The following C8orf34 variants were observed in gnomAD, a reference collection of about 807,000 sequenced individuals.
C8orf34 encodes uncharacterized protein C8orf34.
Under a neutral mutation model 68.3 loss-of-function variants are expected in C8orf34, and 65 were observed. The ratio of observed to expected loss-of-function variants is 0.95; its 90% CI spans 0.78 to 1.17. C8orf34 has a LOEUF of 1.17. Among genes scored for constraint, C8orf34 ranks in the 50% most tolerant of loss-of-function variants. The pLI is 0.00. For synonymous variants in C8orf34, 244 were observed against 241.2 expected, an observed-to-expected ratio of 1.01 and a Z score of -0.11; for missense variants, 664 against 655.4, an observed-to-expected ratio of 1.01 and a Z score of -0.14.
Position 68,721,075 on chromosome 8 carries a change from C to T in C8orf34, c.1328-286C>T, listed in dbSNP as rs191115979. 1.4e-4 allele frequency among the ~76,000 whole-genome samples: 22 copies of T among 152,028 alleles called. No homozygotes were observed. The East Asian group carries it at 3.3e-3, about 23-fold the overall frequency. On this transcript the variant is annotated intron_variant, in intron 9 of 13. Coordinates refer to ENST00000518698, the MANE Select transcript of C8orf34 (RefSeq NM_052958.4). ...AATATAATTATGTTCCAACAATTAG[C>T]TGGATAATATGCCAAAATATCTTGC...
intron 9 of C8orf34, among the ~76,000 whole-genome samples, chr8:68,720,596 AT>A (rs60251458): frequency 0.11 from 15,909 of 148,352 alleles, 1,465 homozygotes; most frequent in African/African-American, 0.26. Flanking sequence ...CTCTTAACTG[AT>A]TTTTTTTTTT....
At chr8:68,749,001 T>C (rs1419984956) in intron 10 of C8orf34, among the ~76,000 whole-genome samples, 2 of 151,990 alleles carry the variant, frequency 1.3e-5, no homozygotes, top group African/African-American at 2.4e-5. Flanking sequence ...TGTCCAACAA[T>C]GATAGACTGG....
intron 12 of C8orf34, among the ~76,000 whole-genome samples, chr8:68,803,086 A>T (rs1241791659): frequency 6.6e-6 from 1 of 152,118 alleles, no homozygotes; most frequent in Non-Finnish European, 1.5e-5. Context: ...TTAAGAAATA[A>T]TTCTAATATT....
intron 8 of C8orf34, among the ~76,000 whole-genome samples, chr8:68,642,567 A>C (rs750347919): frequency 2.2e-4 from 33 of 152,222 alleles, no homozygotes; most frequent in Non-Finnish European, 8.8e-5. Flanking sequence ...AATAACAATA[A>C]CCAGGGTATT....
intron 10 of C8orf34, among the ~76,000 whole-genome samples, chr8:68,744,805 ACT>A (rs1822429383): frequency 6.6e-6 from 1 of 152,136 alleles, no homozygotes; most frequent in Non-Finnish European, 1.5e-5. Flanking sequence ...GTTGGAAAAC[ACT>A]CTGCACGATA....
chr8:68,658,773 T>C (rs1819583933), intron 8 of C8orf34, among the ~76,000 whole-genome samples: 2 of 152,162 alleles, frequency 1.3e-5, no homozygotes, highest in Non-Finnish European at 2.9e-5. Context: ...TGTCCAATTT[T>C]GATTAAATAT....
At chr8:68,788,940 A>C (rs1227856886) in intron 12 of C8orf34, among the ~76,000 whole-genome samples, 1 of 152,322 alleles carries the variant, frequency 6.6e-6, no homozygotes, top group Non-Finnish European at 1.5e-5. Flanking sequence ...GTATTTTGGA[A>C]GTCCCTTAAT....
intron 1 of C8orf34, among the ~76,000 whole-genome samples, chr8:68,383,600 A>G (rs1344046922): frequency 6.6e-6 from 1 of 152,260 alleles, no homozygotes; most frequent in Non-Finnish European, 1.5e-5. Context: ...CAGTGTAAGA[A>G]TGATGAATAA....
At position 68,494,030 on chromosome 8, in the gene C8orf34, G is replaced by T. The variant is rs78485519; in HGVS notation, c.765+5979G>T. On this transcript the variant is annotated intron_variant, in intron 5 of 13. Transcript: ENST00000518698. Reference sequence around the variant, plus strand: ...CCCACTTCTAAGTATATATCCAAAAGAACTAAGAGCAAGATTTATAGGAAA... The same window carrying T: ...CCCACTTCTAAGTATATATCCAAAATAACTAAGAGCAAGATTTATAGGAAA... 2.1e-3 allele frequency among the ~76,000 whole-genome samples: 321 copies of T among 152,220 alleles called. 1 individual carries two copies. The highest frequency in any genetic ancestry group is 7.0e-3 in the African/African-American group (292 of 41,530).
intron 1 of C8orf34, among the ~76,000 whole-genome samples, chr8:68,391,895 C>T (rs1053594894): frequency 6.6e-6 from 1 of 152,092 alleles, no homozygotes; most frequent in African/African-American, 2.4e-5. Context: ...CATGGTCACT[C>T]AGACATTTAA....
chr8:68,518,819 A>T (rs1304171226), intron 5 of C8orf34, among the ~76,000 whole-genome samples: 2 of 146,812 alleles, frequency 1.4e-5, no homozygotes, highest in African/African-American at 5.1e-5. Context: ...GCTTGAACCC[A>T]GGAGGTGGAG....
At chr8:68,375,775 G>T (rs17466334) in intron 1 of C8orf34, among the ~76,000 whole-genome samples, 2,954 of 152,320 alleles carry the variant, frequency 0.019, 51 homozygotes, top group Non-Finnish European at 0.027. Context: ...TATTTAGGGA[G>T]TACTTATATG....
At chr8:68,707,949 T>C (rs1821218094) in intron 8 of C8orf34, among the ~76,000 whole-genome samples, 1 of 152,118 alleles carries the variant, frequency 6.6e-6, no homozygotes, top group Non-Finnish European at 1.5e-5. Flanking sequence ...CCAAAGTGAA[T>C]ACAATAAAAA....
intron 1 of C8orf34, among the ~76,000 whole-genome samples, chr8:68,397,883 C>G (rs1021245005): frequency 2.0e-5 from 3 of 152,130 alleles, no homozygotes; most frequent in Admixed American, 6.6e-5. Context: ...ATTCTCCTGC[C>G]TCAGCCTCCT....
intron 8 of C8orf34, among the ~76,000 whole-genome samples, chr8:68,699,774 T>C (rs1022439000): frequency 6.6e-6 from 1 of 152,080 alleles, no homozygotes; most frequent in African/African-American, 2.4e-5. Context: ...TAATTAGCAG[T>C]CCAGATAAGA....
chr8:68,786,971 T>A (rs1208982928), intron 11 of C8orf34, among the ~76,000 whole-genome samples: 5 of 152,130 alleles, frequency 3.3e-5, no homozygotes, highest in Admixed American at 3.3e-4. Context: ...ATGAGAAATA[T>A]GTTAACAAAC....
intron 13 of C8orf34, 78 bp downstream of exon 13, chr8:68,816,023 A>AAAAAGTACGT: frequency 6.2e-7 from 1 of 1,609,872 alleles, no homozygotes; most frequent in Non-Finnish European, 8.5e-7. Flanking sequence ...ATTTGTATTA[A>AAAAAGTACGT]AAAAGTACGT....
At chr8:68,536,406 A>G (rs1036682606) in intron 7 of C8orf34, among the ~76,000 whole-genome samples, 2 of 150,976 alleles carry the variant, frequency 1.3e-5, no homozygotes, top group East Asian at 1.9e-4. Flanking sequence ...AAGATCTATA[A>G]AAATCCCTGT....
intron 7 of C8orf34, among the ~76,000 whole-genome samples, chr8:68,624,975 G>A (rs532363275): frequency 2.7e-5 from 4 of 150,378 alleles, no homozygotes; most frequent in African/African-American, 9.8e-5. Flanking sequence ...TAACTTATTA[G>A]TAAATAGACA....
Sources: allele counts gnomAD v4.1 joint callset (sites outside exome capture counted in the v4.1 genomes callset), GRCh38; gene constraint gnomAD v4.1.1; transcripts MANE v1.5; gene names NCBI Gene and HGNC (gene_info 2026-07-23, HGNC 2026-07-21).